The following MCF2L2 variants were observed in gnomAD, a reference collection of about 807,000 sequenced individuals.
MCF2L2 encodes the protein probable guanine nucleotide exchange factor MCF2L2.
MCF2L2 carries 102 observed loss-of-function variants against 150.2 expected under a neutral mutation model. That is an observed-to-expected ratio of 0.68 (90% confidence interval 0.58 to 0.80). The LOEUF (loss-of-function observed/expected upper bound fraction) is 0.80. MCF2L2 is among the 30% of genes least tolerant of loss of function. The pLI is 0.00. For synonymous variants in MCF2L2, 465 were observed against 491.3 expected (o/e 0.95, Z 0.71); for missense variants, 1,256 against 1,372.8 (o/e 0.91, Z 1.34).
At chr3:183,380,906 GA>G (rs1713488168) in intron 2 of MCF2L2, among the ~76,000 whole-genome samples, 1 of 151,984 alleles carries the variant, frequency 6.6e-6, no homozygotes. Context: ...AAAAATGAGA[GA>G]AAAAATAATA....
intron 1 of MCF2L2, among the ~76,000 whole-genome samples, chr3:183,391,694 A>G (rs1258576043): frequency 6.6e-6 from 1 of 152,232 alleles, no homozygotes; most frequent in Non-Finnish European, 1.5e-5. Flanking sequence ...GGTTTGTTAC[A>G]TAATTCTCTT....
At chr3:183,304,750 A>G (rs1249006049) in intron 10 of MCF2L2, among the ~76,000 whole-genome samples, 2 of 151,960 alleles carry the variant, frequency 1.3e-5, no homozygotes, top group Admixed American at 1.3e-4. Flanking sequence ...CTAGGATTAC[A>G]GGCGTGAGCC....
intron 1 of MCF2L2, among the ~76,000 whole-genome samples, chr3:183,411,469 A>G (rs1250659268): frequency 6.6e-6 from 1 of 152,192 alleles, no homozygotes; most frequent in African/African-American, 2.4e-5. Context: ...CCAATGTGAT[A>G]ACAGCCTCAC....
At chr3:183,248,961 C>G (rs1724387308) in intron 15 of MCF2L2, among the ~76,000 whole-genome samples, 1 of 152,226 alleles carries the variant, frequency 6.6e-6, no homozygotes, top group South Asian at 2.1e-4. Flanking sequence ...CATGTAGCCC[C>G]CATCTTGCTG....
At chr3:183,261,531 C>G (rs548281532) in intron 15 of MCF2L2, among the ~76,000 whole-genome samples, 1 of 152,078 alleles carries the variant, frequency 6.6e-6, no homozygotes, top group South Asian at 2.1e-4. Flanking sequence ...CTGTGACTCA[C>G]CGGAGGAGCC....
intron 9 of MCF2L2, 109 bp from the exon 10 acceptor site, chr3:183,309,944 T>G (rs1729285669): frequency 1.5e-6 from 2 of 1,323,848 alleles, no homozygotes; most frequent in African/African-American, 1.5e-5. Context: ...GATTCAAGAC[T>G]TGTATATATC....
chr3:183,344,742 C>A (rs1468752733), intron 3 of MCF2L2, among the ~76,000 whole-genome samples: 2 of 151,690 alleles, frequency 1.3e-5, no homozygotes, highest in Non-Finnish European at 2.9e-5. Flanking sequence ...ATTTACCACA[C>A]AAATGGAAAG....
At chr3:183,241,709 A>C (rs1724034417) in intron 15 of MCF2L2, among the ~76,000 whole-genome samples, 1 of 152,198 alleles carries the variant, frequency 6.6e-6, no homozygotes, top group African/African-American at 2.4e-5. Flanking sequence ...TAATACAGTA[A>C]ATTGGTACTG....
chr3:183,276,938 C>T lies in MCF2L2; in HGVS notation c.1796G>A (p.Ser599Asn). 1.2e-6 allele frequency: 2 copies of T among 1,608,584 alleles called. No homozygotes were observed. Among genetic ancestry groups the T allele is most frequent in the Non-Finnish European group, 1.7e-6 (2 of 1,177,066 alleles). The change falls in exon 15 of 30, where the codon AGC becomes AAC. Residue 599 changes from serine (S) to asparagine (N), a missense_variant. Ser to Asn is a conservative substitution (Grantham distance 46). Coordinates refer to ENST00000328913, the MANE Select transcript of MCF2L2 (RefSeq NM_015078.4). ...FEVKSEEIFE[S>N]HHERGNPELE... ...CTCAGGGTTCCCCCTTTCATGATGG[C>T]TTTCAAAGATTTCTTCACTCTGAAG...
intron 13 of MCF2L2, among the ~76,000 whole-genome samples, chr3:183,291,617 C>T (rs1728151822): frequency 6.6e-6 from 1 of 152,310 alleles, no homozygotes; most frequent in Admixed American, 6.5e-5. Context: ...CTGTGAAATA[C>T]AATTGCTTAT....
At chr3:183,299,692 T>C in intron 11 of MCF2L2, 1 of 310,418 alleles carries the variant, frequency 3.2e-6, no homozygotes, top group Non-Finnish European at 5.9e-6. Context: ...TCTGTACACC[T>C]GAAAGGGAAT....
At chr3:183,282,279 T>C (rs566785853) in intron 14 of MCF2L2, among the ~76,000 whole-genome samples, 49 of 151,914 alleles carry the variant, frequency 3.2e-4, no homozygotes, top group South Asian at 2.5e-3. Flanking sequence ...CCCTGGTTCA[T>C]GCCATTCTCC....
chr3:183,300,344 T>C (rs967378772), intron 10 of MCF2L2, 148 bp from the exon 11 acceptor site: 21 of 712,466 alleles, frequency 2.9e-5, no homozygotes, highest in African/African-American at 2.4e-4. Context: ...AAGCTCGGAA[T>C]GGTTCCAGGC....
intron 27 of MCF2L2, among the ~76,000 whole-genome samples, chr3:183,190,940 C>A (rs1054779502): frequency 6.6e-5 from 10 of 152,300 alleles, no homozygotes; most frequent in Admixed American, 3.3e-4. Flanking sequence ...GGCTGGAGTG[C>A]AATGGCGCGA....
chr3:183,311,179 T>G, intron 8 of MCF2L2, 150 bp from the exon 9 acceptor site: 1 of 596,028 alleles, frequency 1.7e-6, no homozygotes, highest in Non-Finnish European at 3.0e-6. Context: ...ACCTATGCCT[T>G]TCTTCTGGCT....
Position 183,270,053 on chromosome 3 carries a change from T to G in MCF2L2, c.1862+6819A>C. 1 of 1,614,142 alleles carries G rather than the reference T, an allele frequency of 6.2e-7. No homozygotes were observed. Among genetic ancestry groups the G allele is most frequent in the Non-Finnish European group, 8.5e-7 (1 of 1,180,030 alleles). The stretch of plus-strand genomic sequence containing the variant: ...TTAACCACAAGGAAAAGTGTCAAGC[T>G]CAAGACGTCCTCCTTTTACTGTTTG... On this transcript the variant is annotated intron_variant, in intron 15 of 29. Transcript: ENST00000328913. This position sits in a 1 kb window ranked among gnomAD's most constrained non-coding sequence, Gnocchi z 4.5.
chr3:183,328,895 C>G (rs1730156867), intron 5 of MCF2L2, among the ~76,000 whole-genome samples: 1 of 152,086 alleles, frequency 6.6e-6, no homozygotes, highest in African/African-American at 2.4e-5. Context: ...CACCAAAGAA[C>G]ATATACAGAT....
At chr3:183,204,793 T>C (rs116424646) in intron 25 of MCF2L2, among the ~76,000 whole-genome samples, 280 of 152,276 alleles carry the variant, frequency 1.8e-3, no homozygotes, top group African/African-American at 6.6e-3. Context: ...AAAGATGGTA[T>C]ATCCATACAA....
In MCF2L2 at chr3:183,283,245, C is replaced by G. The variant is rs1435269990; in HGVS notation, c.1776+5875G>C. Among the ~76,000 whole-genome samples the G allele has an allele frequency of 6.6e-6, 1 of 152,186 alleles. No homozygotes were observed. The highest frequency in any genetic ancestry group is 1.5e-5 in the Non-Finnish European group (1 of 68,026). ...TAGTAAGCTCTCACCACTGATGTCT[C>G]AGCTGACTGTGACAACTGCCAGCGG... On this transcript the variant is annotated intron_variant, in intron 14 of 29. Coordinates refer to ENST00000328913, the MANE Select transcript of MCF2L2 (RefSeq NM_015078.4). The surrounding 1 kb of genome is among the most constrained non-coding windows in gnomAD (Gnocchi z 4.2).
Sources: allele counts gnomAD v4.1 joint callset (sites outside exome capture counted in the v4.1 genomes callset), GRCh38; gene constraint gnomAD v4.1.1; non-coding constraint Gnocchi (gnomAD v3.1); transcripts MANE v1.5; gene names NCBI Gene and HGNC (gene_info 2026-07-23, HGNC 2026-07-21).